The following WDPCP variants were observed in gnomAD, a reference collection of about 807,000 sequenced individuals.
WDPCP encodes the protein WD repeat containing planar cell polarity effector.
In WDPCP, 71 loss-of-function variants were observed where a neutral mutation model predicts 93.1. The ratio of observed to expected loss-of-function variants is 0.76; its 90% CI spans 0.63 to 0.93. The LOEUF (loss-of-function observed/expected upper bound fraction) is 0.93, where lower values mean the gene tolerates loss of function less well. Ranked by LOEUF, WDPCP falls within the 40% of genes least tolerant of loss-of-function variation. The pLI is 0.00. For synonymous variants in WDPCP, 315 were observed against 315.0 expected (o/e 1.00, Z 0.00); for missense variants, 844 against 887.4 (o/e 0.95, Z 0.62).
chr2:63,775,988 C>A (rs1284444268), intron 2 of WDPCP, among the ~76,000 whole-genome samples: 2 of 151,890 alleles, frequency 1.3e-5, no homozygotes, highest in African/African-American at 4.8e-5. Context: ...TGCTTGAGCC[C>A]AAGAGTTTGA....
chr2:63,174,941 C>G (rs1382885453), intron 14 of WDPCP, 109 bp from the exon 15 acceptor site: 2 of 1,239,072 alleles, frequency 1.6e-6, no homozygotes, highest in Non-Finnish European at 2.3e-6. Flanking sequence ...GAACTTTTTT[C>G]TTTGTCAATT....
At chr2:63,773,244 T>C (rs146984061) in intron 2 of WDPCP, among the ~76,000 whole-genome samples, 77 of 152,160 alleles carry the variant, frequency 5.1e-4, no homozygotes, top group African/African-American at 1.7e-3. Flanking sequence ...TGTAATGGTA[T>C]ACTATATAGC....
chr2:63,197,110 G>C (rs1675494781), intron 14 of WDPCP, among the ~76,000 whole-genome samples: 1 of 152,008 alleles, frequency 6.6e-6, no homozygotes, highest in African/African-American at 2.4e-5. Context: ...CCTCCTTCAT[G>C]TATTCTGCCT....
chr2:63,157,729 T>C (rs1405105284), intron 15 of WDPCP, among the ~76,000 whole-genome samples: 2 of 152,176 alleles, frequency 1.3e-5, no homozygotes, highest in Non-Finnish European at 2.9e-5. Flanking sequence ...TTTAAGATAA[T>C]GTACCCTCTT....
chr2:63,324,219 A>C (rs780747074), intron 12 of WDPCP, among the ~76,000 whole-genome samples: 7 of 152,176 alleles, frequency 4.6e-5, no homozygotes, highest in Non-Finnish European at 1.0e-4. Flanking sequence ...AACTCTTTTC[A>C]TTGAAGGAGA....
At chr2:63,802,941 G>A (rs1267776171) in intron 2 of WDPCP, among the ~76,000 whole-genome samples, 1 of 152,128 alleles carries the variant, frequency 6.6e-6, no homozygotes, top group Non-Finnish European at 1.5e-5. Context: ...TTCAAGGAGT[G>A]AACCCTTTTT....
intron 2 of WDPCP, among the ~76,000 whole-genome samples, chr2:63,731,506 C>G (rs562230146): frequency 3.3e-5 from 5 of 152,114 alleles, no homozygotes; most frequent in African/African-American, 1.2e-4. Context: ...CAACCCTGTA[C>G]CCATAACAAT....
intron 13 of WDPCP, among the ~76,000 whole-genome samples, chr2:63,275,243 C>A (rs543361490): frequency 2.0e-5 from 3 of 152,112 alleles, no homozygotes; most frequent in Non-Finnish European, 4.4e-5. Context: ...AATTCAATAT[C>A]CATTCCTGGT....
intron 2 of WDPCP, among the ~76,000 whole-genome samples, chr2:63,773,938 A>T (rs909933151): frequency 1.1e-4 from 16 of 152,222 alleles, no homozygotes; most frequent in Admixed American, 3.3e-4. Flanking sequence ...AAGATTTTTT[A>T]AAAAAATACT....
At chr2:63,788,674 T>A (rs1475627928) in intron 2 of WDPCP, among the ~76,000 whole-genome samples, 3 of 152,210 alleles carry the variant, frequency 2.0e-5, no homozygotes, top group African/African-American at 7.2e-5. Context: ...TGCTACTGAT[T>A]TAAAAAAAGA....
chr2:63,608,666 T>C (rs1709581402), intron 3 of WDPCP, among the ~76,000 whole-genome samples: 1 of 152,004 alleles, frequency 6.6e-6, no homozygotes, highest in African/African-American at 2.4e-5. Context: ...AAAAATTAGC[T>C]GAGTGCAGTG....
intron 14 of WDPCP, among the ~76,000 whole-genome samples, chr2:63,256,194 T>C: frequency 6.6e-6 from 1 of 152,098 alleles, no homozygotes; most frequent in East Asian, 1.9e-4. Context: ...AGTCAGGGTA[T>C]AAGCTGATTT....
intron 1 of WDPCP, among the ~76,000 whole-genome samples, chr2:63,505,241 T>C (rs35012898): frequency 0.069 from 10,492 of 152,078 alleles, 1,103 homozygotes; most frequent in African/African-American, 0.23. Flanking sequence ...GTCACAGTGT[T>C]CGTACTTACA....
At chr2:63,398,724 C>T (rs1388933702) in intron 10 of WDPCP, among the ~76,000 whole-genome samples, 1 of 151,658 alleles carries the variant, frequency 6.6e-6, no homozygotes, top group Non-Finnish European at 1.5e-5. Context: ...TAAGCTACAC[C>T]TTTCATGTCA....
intron 14 of WDPCP, among the ~76,000 whole-genome samples, chr2:63,254,696 G>C (rs921196619): frequency 1.3e-5 from 2 of 152,018 alleles, no homozygotes. Flanking sequence ...AAATTTTTAA[G>C]TTGTAGGAAG....
At chr2:63,188,540 C>G (rs1195218086) in intron 14 of WDPCP, among the ~76,000 whole-genome samples, 1 of 151,664 alleles carries the variant, frequency 6.6e-6, no homozygotes, top group Non-Finnish European at 1.5e-5. Context: ...TGCTATGTTG[C>G]CCAGGCTAGT....
At chr2:63,134,895 G>C (rs1670515547) in intron 17 of WDPCP, among the ~76,000 whole-genome samples, 1 of 152,330 alleles carries the variant, frequency 6.6e-6, no homozygotes, top group Non-Finnish European at 1.5e-5. Context: ...GGCCAATGCA[G>C]GTGGATTGCT....
intron 10 of WDPCP, among the ~76,000 whole-genome samples, chr2:63,402,657 T>C: frequency 6.6e-6 from 1 of 152,160 alleles, no homozygotes; most frequent in East Asian, 1.9e-4. Context: ...TGGCTATTTT[T>C]TTTGAGACGG....
chr2:63,769,633 C>T (rs1021974562), intron 2 of WDPCP, among the ~76,000 whole-genome samples: 5 of 151,624 alleles, frequency 3.3e-5, no homozygotes, highest in African/African-American at 4.8e-5. Flanking sequence ...AGAATCTATA[C>T]GGAATAATTC....
Sources: allele counts gnomAD v4.1 joint callset (sites outside exome capture counted in the v4.1 genomes callset), GRCh38; gene constraint gnomAD v4.1.1; transcripts MANE v1.5; gene names NCBI Gene and HGNC (gene_info 2026-07-23, HGNC 2026-07-21).